The following CAMTA1 variants were observed in gnomAD, a reference collection of about 807,000 sequenced individuals.
The protein encoded by CAMTA1 is calmodulin binding transcription activator 1, also known as calmodulin-binding transcription activator 1.
CAMTA1 carries 27 observed loss-of-function variants against 170.9 expected under a neutral mutation model. That is an observed-to-expected ratio of 0.16 (90% confidence interval 0.12 to 0.22). The LOEUF is 0.22. Among genes scored for constraint, CAMTA1 ranks in the 10% least tolerant of loss-of-function variants. The pLI is 1.00. For missense variants in CAMTA1, 1,619 were observed against 2,217.2 expected (o/e 0.73, Z 5.42); for synonymous variants, 833 against 891.5 (o/e 0.93, Z 1.17).
chr1:7,504,445 G>A lies in CAMTA1; in HGVS notation c.510+36544G>A, dbSNP rs76542100. Among the ~76,000 whole-genome samples the A allele has an allele frequency of 9.4e-3, 1,431 of 152,352 alleles. 10 individuals are homozygous for A. Among genetic ancestry groups the A allele is most frequent in the Non-Finnish European group, 0.012 (801 of 68,036 alleles). On this transcript the variant is annotated intron_variant, in intron 6 of 22. Coordinates refer to ENST00000303635, the MANE Select transcript of CAMTA1 (RefSeq NM_015215.4). ...TGAGGACCCTGCTAGACAGACCCCT[G>A]TCCGTCAGGGAGGCCTTCTCAGCCT... is the stretch of plus-strand genomic sequence containing the variant.
intron 5 of CAMTA1, among the ~76,000 whole-genome samples, chr1:7,284,127 T>TTCTTCTTCTTCC (rs1305914008): frequency 2.2e-4 from 6 of 26,772 alleles, no homozygotes; most frequent in African/African-American, 7.6e-4. Context: ...TTTGCTGCTG[T>TTCTTCTTCTTCC]TCTTCTTCTT....
intron 4 of CAMTA1, among the ~76,000 whole-genome samples, chr1:7,143,476 A>G: frequency 6.6e-6 from 1 of 152,140 alleles, no homozygotes; most frequent in East Asian, 1.9e-4. Flanking sequence ...AGTGCCACCC[A>G]TTGGCTTTCT....
chr1:7,505,283 G>A (rs930144573), intron 6 of CAMTA1, among the ~76,000 whole-genome samples: 2 of 152,182 alleles, frequency 1.3e-5, no homozygotes, highest in African/African-American at 2.4e-5. Context: ...CCACATCCCC[G>A]GCAGCCAAGT....
At chr1:7,483,924 G>A (rs2093578873) in intron 6 of CAMTA1, among the ~76,000 whole-genome samples, 1 of 152,196 alleles carries the variant, frequency 6.6e-6, no homozygotes, top group African/African-American at 2.4e-5. Context: ...TTCCCTCCTG[G>A]GGCAGAGGAC....
chr1:7,566,212 G>A (rs1220521286), intron 6 of CAMTA1, among the ~76,000 whole-genome samples: 5 of 152,142 alleles, frequency 3.3e-5, no homozygotes, highest in African/African-American at 9.7e-5. Context: ...GCCGGGCTGG[G>A]CCCCTGGGTG....
intron 4 of CAMTA1, among the ~76,000 whole-genome samples, chr1:7,128,931 C>G (rs984497678): frequency 2.0e-5 from 3 of 151,176 alleles, no homozygotes; most frequent in African/African-American, 7.3e-5. Flanking sequence ...ACCTCTGCCT[C>G]CCAGGTTCAA....
chr1:7,642,346 C>A lies in CAMTA1; in HGVS notation c.664+1793C>A, dbSNP rs1328620650. On this transcript the variant is annotated intron_variant, in intron 7 of 22. Coordinates refer to ENST00000303635, the MANE Select transcript of CAMTA1 (RefSeq NM_015215.4). This position sits in a 1 kb window ranked among gnomAD's most constrained non-coding sequence, Gnocchi z 6.3. ...CCCTGGAATGGTGGGGGGGAAGGGA[C>A]CTGCCCAGGGTCCTGAGCAGAGGAC... Among the ~76,000 whole-genome samples the A allele has an allele frequency of 6.6e-6, 1 of 152,176 alleles. No homozygotes were observed. The highest frequency in any genetic ancestry group is 1.5e-5 in the Non-Finnish European group (1 of 68,032).
intron 3 of CAMTA1, among the ~76,000 whole-genome samples, chr1:6,873,544 C>A (rs1247225758): frequency 6.6e-6 from 1 of 152,152 alleles, no homozygotes; most frequent in Non-Finnish European, 1.5e-5. Flanking sequence ...CTGTTGGAAT[C>A]GGCTCCCCTG....
chr1:7,368,326 AC>A, intron 5 of CAMTA1, among the ~76,000 whole-genome samples: 1 of 149,658 alleles, frequency 6.7e-6, no homozygotes, highest in East Asian at 2.0e-4. Context: ...GGGCGCAGAC[AC>A]TGGGCACTTA....
At chr1:7,420,283 C>CTAG (rs142245460) in intron 5 of CAMTA1, among the ~76,000 whole-genome samples, 24,507 of 152,110 alleles carry the variant, frequency 0.16, 2,803 homozygotes, top group East Asian at 0.49. Flanking sequence ...TTCCATCACC[C>CTAG]CAGCGGAGAG....
intron 6 of CAMTA1, among the ~76,000 whole-genome samples, chr1:7,629,164 AAGCTCAGGCTCTGCCAACTGCAGGACGCC>A (rs2095652281): frequency 6.6e-6 from 1 of 152,218 alleles, no homozygotes; most frequent in African/African-American, 2.4e-5. Context: ...AATCTCATCC[AAGCTCAGGCTCTGCCAACTGCAGGACGCC>A]AGCAGCCTGC....
In CAMTA1 at chr1:7,629,367, T is replaced by C. The variant is rs542263207; in HGVS notation, c.511-11033T>C. 3.9e-5 allele frequency among the ~76,000 whole-genome samples: 6 copies of C among 152,358 alleles called. No individual in the cohort carries two copies. The South Asian group carries it at 1.2e-3, about 32-fold the overall frequency. On this transcript the variant is annotated intron_variant, in intron 6 of 22. Coordinates refer to ENST00000303635, the MANE Select transcript of CAMTA1 (RefSeq NM_015215.4). ...AGATGGCCCCCAGCATCCCGATCTC[T>C]TGCACAACTCCTTATGGATCAGCCA...
intron 6 of CAMTA1, among the ~76,000 whole-genome samples, chr1:7,470,782 C>T (rs955894619): frequency 1.3e-5 from 2 of 152,258 alleles, no homozygotes; most frequent in African/African-American, 2.4e-5. Flanking sequence ...CGCCTCCTGC[C>T]GGCCCACTGT....
rs199676758 is a variant in CAMTA1 at position 6,927,389 on chromosome 1, C to T, written c.234+102179C>T. Among the ~76,000 whole-genome samples the T allele has an allele frequency of 4.6e-5, 7 of 152,266 alleles. No homozygotes were observed. In the East Asian group the frequency reaches 9.6e-4, roughly 21 times the overall value. On this transcript the variant is annotated intron_variant, in intron 3 of 22. Coordinates refer to ENST00000303635, the MANE Select transcript of CAMTA1 (RefSeq NM_015215.4). ...GGCCAAAATAAATATCTAACAGTTCCGTTTATTAAGTAGTTAGATATAAAC... is the reference window on the plus strand; with the variant it reads ...GGCCAAAATAAATATCTAACAGTTCTGTTTATTAAGTAGTTAGATATAAAC...
chr1:7,562,741 C>T lies in CAMTA1; in HGVS notation c.511-77659C>T, dbSNP rs72643925. ...AGGGTCTGATATTTCCCGCATCTGC[C>T]GTTAACCCTCGCCAGGCCAGCAGTA... On this transcript the variant is annotated intron_variant, in intron 6 of 22. Coordinates refer to ENST00000303635, the MANE Select transcript of CAMTA1 (RefSeq NM_015215.4). This position sits in a 1 kb window ranked among gnomAD's most constrained non-coding sequence, Gnocchi z 4.8. Among the ~76,000 whole-genome samples, 17,330 of 152,260 alleles carry T rather than the reference C, an allele frequency of 0.11. 1,550 individuals carry two copies. The highest frequency in any genetic ancestry group is 0.25 in the African/African-American group (10,441 of 41,520).
At chr1:7,276,715 G>A (rs777104344) in intron 5 of CAMTA1, among the ~76,000 whole-genome samples, 30 of 151,946 alleles carry the variant, frequency 2.0e-4, no homozygotes, top group Admixed American at 5.9e-4. Flanking sequence ...GGAGGTCCTA[G>A]GAAGTTGAAT....
At chr1:7,543,118 C>T (rs752552013) in intron 6 of CAMTA1, among the ~76,000 whole-genome samples, 3 of 152,048 alleles carry the variant, frequency 2.0e-5, no homozygotes, top group Non-Finnish European at 2.9e-5. Flanking sequence ...CCGCCCACCT[C>T]GGCCTCCCAA....
intron 5 of CAMTA1, among the ~76,000 whole-genome samples, chr1:7,440,712 C>T (rs544240842): frequency 5.3e-5 from 8 of 152,236 alleles, no homozygotes; most frequent in South Asian, 2.1e-4. Context: ...GCCTGTGGGC[C>T]GAGAAAGACA....
intron 1 of CAMTA1, among the ~76,000 whole-genome samples, chr1:6,800,975 G>C (rs77294768): frequency 6.6e-6 from 1 of 152,158 alleles, no homozygotes; most frequent in African/African-American, 2.4e-5. Flanking sequence ...CTTTCACAAA[G>C]CTTTGATGAA....
Sources: gnomAD v4.1 joint callset for allele counts (sites outside exome capture counted in the v4.1 genomes callset) on GRCh38, gnomAD v4.1.1 for gene constraint, Gnocchi (gnomAD v3.1) non-coding constraint, MANE v1.5 for transcripts, NCBI Gene and HGNC (gene_info 2026-07-23, HGNC 2026-07-21) for gene names.